HCN1: variants seen among roughly 807,000 people sequenced by gnomAD.
HCN1 encodes the protein hyperpolarization activated cyclic nucleotide gated potassium channel 1, also known as potassium/sodium hyperpolarization-activated cyclic nucleotide-gated channel 1.
In HCN1, 13 loss-of-function variants were observed where a neutral mutation model predicts 78.9. The ratio of observed to expected loss-of-function variants is 0.16; its 90% CI spans 0.11 to 0.26. HCN1 has a LOEUF of 0.26. HCN1 is among the 10% of genes least tolerant of loss of function. The probability of loss-of-function intolerance (pLI) is 1.00; values close to 1 mark genes in which losing one functional copy is unlikely to be tolerated. For synonymous variants in HCN1, 552 were observed against 455.5 expected (o/e 1.21, Z -2.70); for missense variants, 810 against 1,154.3 (o/e 0.70, Z 4.32).
intron 1 of HCN1, among the ~76,000 whole-genome samples, chr5:45,693,409 G>A (rs1187438284): frequency 1.3e-5 from 2 of 152,034 alleles, no homozygotes; most frequent in Non-Finnish European, 2.9e-5. Flanking sequence ...TCTAAATAAT[G>A]ATAATTGCTT....
At chr5:45,462,107 G>A (rs1386019594) in intron 2 of HCN1, 100 bp from the exon 3 acceptor site, 1 of 874,882 alleles carries the variant, frequency 1.1e-6, no homozygotes, top group Non-Finnish European at 1.8e-6. Context: ...CGTAAGCATT[G>A]ATTTAATAAA....
intron 4 of HCN1, among the ~76,000 whole-genome samples, chr5:45,369,445 C>G (rs1323437682): frequency 6.6e-6 from 1 of 151,996 alleles, no homozygotes; most frequent in African/African-American, 2.4e-5. Flanking sequence ...TTTCAATAAC[C>G]TGTATGGGCC....
At chr5:45,317,922 C>T (rs1362644732) in intron 5 of HCN1, among the ~76,000 whole-genome samples, 2 of 152,110 alleles carry the variant, frequency 1.3e-5, no homozygotes, top group Non-Finnish European at 2.9e-5. Context: ...ACAACAGGTG[C>T]TGGAGAGTAT....
intron 5 of HCN1, among the ~76,000 whole-genome samples, chr5:45,315,076 T>G (rs1203446384): frequency 1.3e-5 from 2 of 152,176 alleles, no homozygotes; most frequent in East Asian, 1.9e-4. Flanking sequence ...AATAGACATC[T>G]ACAGAACTCT....
intron 3 of HCN1, among the ~76,000 whole-genome samples, chr5:45,436,493 G>A (rs192426769): frequency 6.6e-6 from 1 of 152,142 alleles, no homozygotes; most frequent in East Asian, 1.9e-4. Flanking sequence ...AATCATGATA[G>A]AATAATAAAA....
At chr5:45,572,810 G>A (rs180696169) in intron 2 of HCN1, among the ~76,000 whole-genome samples, 1 of 152,190 alleles carries the variant, frequency 6.6e-6, no homozygotes, top group East Asian at 1.9e-4. Context: ...CCTTAATGGA[G>A]GGACTTTGTA....
intron 5 of HCN1, among the ~76,000 whole-genome samples, chr5:45,318,228 T>C (rs373263855): frequency 2.0e-5 from 3 of 152,236 alleles, no homozygotes; most frequent in Admixed American, 1.3e-4. Flanking sequence ...TGGAATACTA[T>C]GCAGCCATAA....
intron 1 of HCN1, among the ~76,000 whole-genome samples, chr5:45,653,095 A>G (rs1434060941): frequency 3.3e-5 from 5 of 151,998 alleles, no homozygotes; most frequent in Non-Finnish European, 7.4e-5. Context: ...ATTTTTTCAC[A>G]TACACAGTCC....
intron 2 of HCN1, among the ~76,000 whole-genome samples, chr5:45,607,468 G>A (rs903271642): frequency 2.0e-5 from 3 of 151,288 alleles, no homozygotes; most frequent in African/African-American, 7.3e-5. Context: ...TTCCAGGAAT[G>A]TAAAATACAA....
intron 4 of HCN1, among the ~76,000 whole-genome samples, chr5:45,370,972 G>A (rs780597895): frequency 7.2e-5 from 11 of 151,926 alleles, no homozygotes; most frequent in Non-Finnish European, 1.5e-4. Flanking sequence ...TATTTGCTAG[G>A]ATAAGCAAAG....
At chr5:45,585,194 T>A (rs1204638340) in intron 2 of HCN1, among the ~76,000 whole-genome samples, 5 of 152,358 alleles carry the variant, frequency 3.3e-5, no homozygotes, top group Middle Eastern at 3.4e-3. Context: ...CCTTTTCACA[T>A]AGTCCCATAT....
intron 3 of HCN1, among the ~76,000 whole-genome samples, chr5:45,407,314 T>G (rs1262905153): frequency 6.6e-6 from 1 of 152,040 alleles, no homozygotes; most frequent in East Asian, 1.9e-4. Flanking sequence ...ACAAACCTAC[T>G]CCACTACCAG....
chr5:45,314,739 AC>A (rs1745941286), intron 5 of HCN1, among the ~76,000 whole-genome samples: 1 of 152,316 alleles, frequency 6.6e-6, no homozygotes, highest in East Asian at 1.9e-4. Context: ...CAAATAGAAA[AC>A]AAAAAAAGGC....
intron 5 of HCN1, among the ~76,000 whole-genome samples, chr5:45,311,290 T>G (rs2111916801): frequency 6.6e-6 from 1 of 152,304 alleles, no homozygotes; most frequent in East Asian, 1.9e-4. Context: ...CCAAGGAATA[T>G]TATTACATAA....
intron 5 of HCN1, 44 bp downstream of exon 5, chr5:45,353,056 A>C: frequency 6.6e-7 from 1 of 1,509,418 alleles, no homozygotes; most frequent in Non-Finnish European, 9.2e-7. Flanking sequence ...AGAGAAAATA[A>C]ACAATGATTA....
intron 1 of HCN1, among the ~76,000 whole-genome samples, chr5:45,691,022 A>G (rs1316996971): frequency 6.6e-6 from 1 of 152,138 alleles, no homozygotes; most frequent in Non-Finnish European, 1.5e-5. Flanking sequence ...TCACTATAGG[A>G]CATAGGTGCA....
chr5:45,280,665 G>C (rs1282799137), intron 6 of HCN1, among the ~76,000 whole-genome samples: 1 of 152,126 alleles, frequency 6.6e-6, no homozygotes, highest in Non-Finnish European at 1.5e-5. Flanking sequence ...AATAATCCAA[G>C]GTGCCAAACA....
At chr5:45,263,774 ATTAT>A (rs1201317915) in intron 7 of HCN1, among the ~76,000 whole-genome samples, 2 of 151,586 alleles carry the variant, frequency 1.3e-5, no homozygotes, top group Non-Finnish European at 2.9e-5. Context: ...TTTAAAATTT[ATTAT>A]TTATTTATTT....
At chr5:45,695,604 G>A (rs1739992951) in intron 1 of HCN1, 65 bp downstream of exon 1, 2 of 1,525,586 alleles carry the variant, frequency 1.3e-6, no homozygotes, top group African/African-American at 2.8e-5. Flanking sequence ...CCCCACCCAA[G>A]GGCGGGGAAG....
Sources: gnomAD v4.1 joint callset for allele counts (sites outside exome capture counted in the v4.1 genomes callset) on GRCh38, gnomAD v4.1.1 for gene constraint, MANE v1.5 for transcripts, NCBI Gene and HGNC (gene_info 2026-07-23, HGNC 2026-07-21) for gene names.